The following NALF1 variants were observed in gnomAD, a reference collection of about 807,000 sequenced individuals.
The protein encoded by NALF1 is family with sequence similarity 155 member A.
In NALF1, 3 loss-of-function variants were observed where a neutral mutation model predicts 48.4. The observed-to-expected ratio is 0.06, with a 90% confidence interval of 0.03 to 0.16. NALF1 has a LOEUF of 0.16. Ranked by LOEUF, NALF1 falls within the 10% of genes least tolerant of loss-of-function variation. The pLI is 1.00. For synonymous variants in NALF1, 262 were observed against 245.7 expected, an observed-to-expected ratio of 1.07 and a Z score of -0.62; for missense variants, 526 against 571.5, an observed-to-expected ratio of 0.92 and a Z score of 0.81.
intron 1 of NALF1, among the ~76,000 whole-genome samples, chr13:107,544,862 C>T (rs1877093996): frequency 1.3e-5 from 2 of 152,122 alleles, no homozygotes; most frequent in Non-Finnish European, 2.9e-5. Flanking sequence ...GTGTCAATCA[C>T]CATGTGAGGA....
chr13:107,229,288 C>G (rs1437155717), intron 1 of NALF1, among the ~76,000 whole-genome samples: 1 of 151,938 alleles, frequency 6.6e-6, no homozygotes, highest in Non-Finnish European at 1.5e-5. Flanking sequence ...CAATCAATAC[C>G]AATCATGATG....
intron 1 of NALF1, among the ~76,000 whole-genome samples, chr13:107,799,420 T>C (rs1018804284): frequency 1.3e-5 from 2 of 152,172 alleles, no homozygotes; most frequent in African/African-American, 4.8e-5. Context: ...GCCACGTACA[T>C]GATATACACT....
At chr13:107,241,259 T>C (rs1245206337) in intron 1 of NALF1, among the ~76,000 whole-genome samples, 3 of 152,010 alleles carry the variant, frequency 2.0e-5, no homozygotes, top group African/African-American at 7.2e-5. Flanking sequence ...GCCAAAAGCC[T>C]CATTATCATC....
intron 1 of NALF1, among the ~76,000 whole-genome samples, chr13:107,654,148 C>T (rs901624911): frequency 6.6e-6 from 1 of 151,088 alleles, no homozygotes; most frequent in African/African-American, 2.4e-5. Flanking sequence ...TGAGATTATC[C>T]AAGAAAAAAA....
At chr13:107,336,677 T>C (rs962050281) in intron 1 of NALF1, among the ~76,000 whole-genome samples, 6 of 152,146 alleles carry the variant, frequency 3.9e-5, no homozygotes, top group Non-Finnish European at 7.4e-5. Flanking sequence ...TCATGTAACA[T>C]AAAATTGTAA....
intron 1 of NALF1, among the ~76,000 whole-genome samples, chr13:107,677,946 A>T (rs926873308): frequency 2.0e-5 from 3 of 152,166 alleles, no homozygotes; most frequent in Admixed American, 1.3e-4. Context: ...TTATTCTGAA[A>T]CCTTTAAACG....
chr13:107,533,696 A>G (rs545278673), intron 1 of NALF1, among the ~76,000 whole-genome samples: 1 of 152,134 alleles, frequency 6.6e-6, no homozygotes, highest in Admixed American at 6.5e-5. Flanking sequence ...TCCAAAGGCC[A>G]TCTTTCAGAA....
intron 1 of NALF1, among the ~76,000 whole-genome samples, chr13:107,576,883 T>C (rs1878168514): frequency 1.3e-5 from 2 of 152,184 alleles, no homozygotes; most frequent in South Asian, 4.1e-4. Flanking sequence ...TGTCAAAATC[T>C]TCTGCGAGCA....
chr13:107,664,272 C>G (rs1880802078), intron 1 of NALF1, among the ~76,000 whole-genome samples: 1 of 152,140 alleles, frequency 6.6e-6, no homozygotes, highest in Non-Finnish European at 1.5e-5. Flanking sequence ...TGTGTTGGTT[C>G]TACCTTCCGG....
intron 1 of NALF1, among the ~76,000 whole-genome samples, chr13:107,802,800 A>G (rs964832889): frequency 6.6e-6 from 1 of 152,212 alleles, no homozygotes; most frequent in African/African-American, 2.4e-5. Context: ...ATAAAAAAGA[A>G]AAAGCCATTT....
intron 1 of NALF1, among the ~76,000 whole-genome samples, chr13:107,846,494 C>A (rs1251867615): frequency 1.3e-5 from 2 of 152,138 alleles, no homozygotes. Context: ...CCCATTCCTA[C>A]CCCACTCTCC....
At chr13:107,481,817 T>A (rs895255730) in intron 1 of NALF1, among the ~76,000 whole-genome samples, 4 of 151,918 alleles carry the variant, frequency 2.6e-5, no homozygotes, top group African/African-American at 9.7e-5. Context: ...TTGAGAGGAG[T>A]CCTCTGCTCC....
chr13:107,787,930 T>C (rs17367485), intron 1 of NALF1, among the ~76,000 whole-genome samples: 18,647 of 152,254 alleles, frequency 0.12, 1,323 homozygotes, highest in Middle Eastern at 0.24. Flanking sequence ...TATCTTATAT[T>C]ACATCCTTAT....
At chr13:107,851,686 T>C (rs1227058846) in intron 1 of NALF1, among the ~76,000 whole-genome samples, 1 of 152,134 alleles carries the variant, frequency 6.6e-6, no homozygotes, top group Non-Finnish European at 1.5e-5. Flanking sequence ...GAGTAAAATC[T>C]AATTTTCAGT....
rs377091399 is a variant in NALF1, at chr13:107,818,688, C to T, written c.915+46994G>A. Reference sequence around the variant, plus strand: ...GAGATCGAGACCATCCTGGCTAACACGGTGAAACCCCGTCTCTACTAAAAA... The same window carrying T: ...GAGATCGAGACCATCCTGGCTAACATGGTGAAACCCCGTCTCTACTAAAAA... On this transcript the variant is annotated intron_variant, in intron 1 of 2. Coordinates refer to ENST00000375915, the MANE Select transcript of NALF1 (RefSeq NM_001080396.3). 1.3e-3 allele frequency among the ~76,000 whole-genome samples: 201 copies of T among 149,898 alleles called. No homozygotes were observed. The East Asian group carries it at 0.021, about 16-fold the overall frequency.
intron 2 of NALF1, among the ~76,000 whole-genome samples, chr13:107,209,017 T>C (rs1343669336): frequency 1.3e-5 from 2 of 152,178 alleles, no homozygotes; most frequent in South Asian, 2.1e-4. Context: ...GGCTGGTCAA[T>C]GACATAACTT....
chr13:107,741,805 A>T (rs1876644473), intron 1 of NALF1, among the ~76,000 whole-genome samples: 1 of 152,198 alleles, frequency 6.6e-6, no homozygotes, highest in South Asian at 2.1e-4. Context: ...CTTAAAGCCA[A>T]AAGTAACCCA....
At position 107,705,081 on chromosome 13, in the gene NALF1, G is replaced by A. The variant is rs1239446002; in HGVS notation, c.915+160601C>T. Among the ~76,000 whole-genome samples, 78 of 152,142 alleles carry A rather than the reference G, an allele frequency of 5.1e-4. 2 individuals are homozygous for A. Among genetic ancestry groups the A allele is most frequent in the Non-Finnish European group, 7.4e-5 (5 of 68,024 alleles). ...AACTTTATATCAGGCATATTAAAAA[G>A]TACATATATTACTCCCTTTGATATA... On this transcript the variant is annotated intron_variant, in intron 1 of 2. Transcript: ENST00000375915.
At chr13:107,216,267 C>T (rs1243534203) in intron 1 of NALF1, among the ~76,000 whole-genome samples, 1 of 152,166 alleles carries the variant, frequency 6.6e-6, no homozygotes. Context: ...ACGCATAACG[C>T]ATGTTGCTAC....
Sources: allele counts gnomAD v4.1 joint callset (sites outside exome capture counted in the v4.1 genomes callset), GRCh38; gene constraint gnomAD v4.1.1; transcripts MANE v1.5; gene names NCBI Gene and HGNC (gene_info 2026-07-23, HGNC 2026-07-21).